FAM120B: variants seen among roughly 807,000 people sequenced by gnomAD.
FAM120B encodes the protein constitutive coactivator of peroxisome proliferator-activated receptor gamma.
In FAM120B, 83 loss-of-function variants were observed where a neutral mutation model predicts 96.3. The ratio of observed to expected loss-of-function variants is 0.86; its 90% CI spans 0.72 to 1.03. The LOEUF is 1.03. Ranked by LOEUF, FAM120B falls within the 50% of genes least tolerant of loss-of-function variation. The pLI, the probability that FAM120B is intolerant of heterozygous loss-of-function variation, is 0.00. For synonymous variants in FAM120B, 407 were observed against 402.7 expected, an observed-to-expected ratio of 1.01 and a Z score of -0.13; for missense variants, 1,027 against 1,121.2, an observed-to-expected ratio of 0.92 and a Z score of 1.20.
rs1381685953 is a variant in FAM120B at position 170,370,141 on chromosome 6, TCA to T, written c.2283+11824_2283+11825del. ...CATTGCAGAGGTGAGACGGAGACTC[TCA>T]GTTGCCCTTGAGCTTTCCTGGCCCT... On this transcript the variant is annotated intron_variant, in intron 6 of 10. Transcript: ENST00000476287. The surrounding 1 kb of genome is among the most constrained non-coding windows in gnomAD (Gnocchi z 4.3). 1.3e-5 allele frequency among the ~76,000 whole-genome samples: 2 copies of T among 152,204 alleles called. No individual in the cohort carries two copies. Among genetic ancestry groups the T allele is most frequent in the East Asian group, 3.9e-4 (2 of 5,188 alleles).
chr6:170,376,291 G>C (rs747662893), intron 6 of FAM120B, among the ~76,000 whole-genome samples: 1 of 152,148 alleles, frequency 6.6e-6, no homozygotes, highest in Non-Finnish European at 1.5e-5. Context: ...TGTGAAGCTT[G>C]TAAGAGAGTT....
In FAM120B at chr6:170,404,619, A is replaced by G; in HGVS notation, c.*11+18A>G. The stretch of plus-strand genomic sequence containing the variant: ...ACCTCCAGGTAAGTTCATCACCTGC[A>G]TCTCCAGAAGAAATCAGTCACATGT... On this transcript the variant is annotated intron_variant, in intron 10 of 10. Coordinates refer to ENST00000476287, the MANE Select transcript of FAM120B (RefSeq NM_032448.3). The G allele has an allele frequency of 6.3e-7, 1 of 1,587,234 alleles. No homozygotes were observed. Among genetic ancestry groups the G allele is most frequent in the Non-Finnish European group, 8.7e-7 (1 of 1,155,608 alleles).
intron 3 of FAM120B, among the ~76,000 whole-genome samples, chr6:170,324,560 AAAT>A (rs1418860286): frequency 1.3e-5 from 2 of 152,240 alleles, no homozygotes; most frequent in Admixed American, 6.5e-5. Flanking sequence ...TTTTTACATT[AAAT>A]AATAATATTG....
At chr6:170,386,441 T>G (rs1790191422) in intron 6 of FAM120B, among the ~76,000 whole-genome samples, 1 of 152,194 alleles carries the variant, frequency 6.6e-6, no homozygotes, top group Non-Finnish European at 1.5e-5. Flanking sequence ...GAGGGAATAT[T>G]TATACCAATA....
At chr6:170,361,665 G>A (rs9460124) in intron 6 of FAM120B, among the ~76,000 whole-genome samples, 111 of 152,214 alleles carry the variant, frequency 7.3e-4, no homozygotes, top group African/African-American at 2.6e-3. Context: ...TCTAGTGTAT[G>A]GTTCTAGAGA....
Position 170,318,836 on chromosome 6 carries a change from G to T in FAM120B, c.1446G>T (p.Arg482Ser), listed in dbSNP as rs780956869. The T allele has an allele frequency of 1.9e-5, 30 of 1,614,124 alleles. No homozygotes were observed. Among genetic ancestry groups the T allele is most frequent in the Non-Finnish European group, 2.4e-5 (28 of 1,180,060 alleles). The change falls in exon 2 of 11, where the codon AGG (arginine) becomes AGT (serine). Residue 482 changes from arginine (R) to serine (S), a missense_variant. By Grantham distance (110) the Arg-to-Ser change is moderately radical. Around this residue, in one of 3 missense-constraint regions of FAM120B, gnomAD observed 880 missense variants for 980.9 expected, o/e 0.90. Transcript: ENST00000476287. ...CCATGTATACAGGCCCTGAATCCAG[G>T]CAAGAAGTTTTAATACGGACAGACC... ...EVPMYTGPESRQEVLIRTDPE... is the reference protein window; with the variant it reads ...EVPMYTGPESSQEVLIRTDPE...
chr6:170,340,318 G>A (rs1398024288), intron 4 of FAM120B, among the ~76,000 whole-genome samples: 1 of 151,612 alleles, frequency 6.6e-6, no homozygotes, highest in African/African-American at 2.4e-5. Flanking sequence ...CGAAGTTCTC[G>A]TGCTGTGTTT....
chr6:170,396,465 C>A (rs2115331697), intron 9 of FAM120B, among the ~76,000 whole-genome samples: 1 of 152,256 alleles, frequency 6.6e-6, no homozygotes, highest in South Asian at 2.1e-4. Context: ...TTTGAAATGC[C>A]CATCCTTGAG....
chr6:170,299,251 C>T (rs1197663267), intron 1 of FAM120B, among the ~76,000 whole-genome samples: 1 of 152,144 alleles, frequency 6.6e-6, no homozygotes, highest in Non-Finnish European at 1.5e-5. Flanking sequence ...TAGGCTTACT[C>T]ATCATTTCTA....
intron 6 of FAM120B, among the ~76,000 whole-genome samples, chr6:170,387,956 A>G (rs1390629656): frequency 6.6e-6 from 1 of 152,134 alleles, no homozygotes; most frequent in African/African-American, 2.4e-5. Context: ...CTCGGCCTAG[A>G]GGTTCCTGGG....
intron 1 of FAM120B, among the ~76,000 whole-genome samples, chr6:170,316,684 A>G (rs536808872): frequency 6.6e-5 from 10 of 152,332 alleles, no homozygotes; most frequent in African/African-American, 2.4e-4. Flanking sequence ...TAACACCTTT[A>G]TTCAGGTGTA....
chr6:170,347,695 T>C (rs1380231192), intron 4 of FAM120B, among the ~76,000 whole-genome samples: 2 of 151,746 alleles, frequency 1.3e-5, no homozygotes, highest in Non-Finnish European at 2.9e-5. Flanking sequence ...GAAAATGCAT[T>C]TTTTTTTACA....
chr6:170,322,382 G>A (rs1562526696), intron 2 of FAM120B, among the ~76,000 whole-genome samples: 2 of 152,184 alleles, frequency 1.3e-5, no homozygotes, highest in African/African-American at 4.8e-5. Context: ...TAAGGGAGGA[G>A]GAGAGGGTGA....
At chr6:170,403,721 T>G (rs928304085) in intron 9 of FAM120B, among the ~76,000 whole-genome samples, 26 of 152,216 alleles carry the variant, frequency 1.7e-4, no homozygotes, top group African/African-American at 5.3e-4. Context: ...AGTCCATAGC[T>G]ACAATTTGCC....
upstream of FAM120B, chr6:170,295,303 G>A: frequency 1.5e-6 from 1 of 670,782 alleles, no homozygotes; most frequent in Non-Finnish European, 2.7e-6. This position sits in a 1 kb window ranked among gnomAD's most constrained non-coding sequence, Gnocchi z 7.8. Context: ...ACCCAAGTGG[G>A]TGCACAGATG....
At chr6:170,305,909 T>C (rs1305650722), upstream of FAM120B, among the ~76,000 whole-genome samples, 2 of 152,112 alleles carry the variant, frequency 1.3e-5, no homozygotes, top group Admixed American at 6.5e-5. Flanking sequence ...GATTGTGGAC[T>C]GCAGAGTCCA....
At chr6:170,344,545 C>T (rs558219455) in intron 4 of FAM120B, among the ~76,000 whole-genome samples, 228 of 151,354 alleles carry the variant, frequency 1.5e-3, no homozygotes, top group Non-Finnish European at 2.7e-3. Flanking sequence ...GTCCATTCAC[C>T]TGCACCGTTG....
chr6:170,337,111 C>A (rs139307586), intron 4 of FAM120B, among the ~76,000 whole-genome samples: 1 of 152,030 alleles, frequency 6.6e-6, no homozygotes, highest in Admixed American at 6.6e-5. Flanking sequence ...TGTCTTGTGC[C>A]GGTTTTCAAA....
At chr6:170,342,750 C>T (rs749361118) in intron 4 of FAM120B, among the ~76,000 whole-genome samples, 12 of 152,204 alleles carry the variant, frequency 7.9e-5, no homozygotes, top group Non-Finnish European at 1.5e-4. Context: ...GTTTTTGAAG[C>T]TGATGCGTTT....
Sources: gnomAD v4.1 joint callset for allele counts (sites outside exome capture counted in the v4.1 genomes callset) on GRCh38, gnomAD v4.1.1 for gene constraint, gnomAD v4.1.1 regional missense constraint, Gnocchi (gnomAD v3.1) non-coding constraint, MANE v1.5 for transcripts, NCBI Gene and HGNC (gene_info 2026-07-23, HGNC 2026-07-21) for gene names.